Variants in MAP3K4 observed in about 807,000 individuals in gnomAD.
MAP3K4 encodes MAP three kinase 1.
Under a neutral mutation model 185.6 loss-of-function variants are expected in MAP3K4, and 67 were observed. That is an observed-to-expected ratio of 0.36 (90% CI 0.30 to 0.44). The LOEUF is 0.44. MAP3K4 is among the 20% of genes least tolerant of loss of function. MAP3K4 has a pLI of 1.00. For missense variants in MAP3K4, 1,551 were observed against 1,995.1 expected (o/e 0.78, Z 4.24); for synonymous variants, 702 against 710.4 (o/e 0.99, Z 0.19).
Position 161,070,456 on chromosome 6 carries a change from A to AT in MAP3K4, c.1708-150dup, listed in dbSNP as rs1374095849. On this transcript the variant is annotated intron_variant, in intron 3 of 26. Transcript: ENST00000392142. The surrounding 1 kb of genome is among the most constrained non-coding windows in gnomAD (Gnocchi z 4.5). ...ATGTTGAAAATGTTGAAGTTATTAA[A>AT]TTCATTAAATTATTAAATATTCTTT... 2.2e-5 allele frequency: 12 copies of AT among 549,204 alleles called. No individual in the cohort carries two copies. Among genetic ancestry groups the AT allele is most frequent in the Non-Finnish European group, 3.5e-5 (12 of 338,574 alleles). The allele number at this position is 549,204 out of a possible 1,614,324, so 34.0% of individuals were successfully genotyped here.
At chr6:161,081,065 G>T in intron 6 of MAP3K4, 27 bp downstream of exon 6, 2 of 1,608,878 alleles carry the variant, frequency 1.2e-6, no homozygotes, top group South Asian at 2.2e-5. Context: ...TTCTGAACGC[G>T]ACGCTCCCAC....
At position 161,103,694 on chromosome 6, in the gene MAP3K4, T is replaced by C. The variant is rs1378616706; in HGVS notation, c.3856+915T>C. 6.6e-6 allele frequency among the ~76,000 whole-genome samples: 1 copy of C among 152,046 alleles called. No individual in the cohort carries two copies. The stretch of plus-strand genomic sequence containing the variant: ...GCCCCAGAGGCTCTTGAGCAGCTGG[T>C]GTGTTTGGGATGTGGGAGGCTGGGG... On this transcript the variant is annotated intron_variant, in intron 19 of 26. Coordinates refer to ENST00000392142, the MANE Select transcript of MAP3K4 (RefSeq NM_005922.4). This position sits in a 1 kb window ranked among gnomAD's most constrained non-coding sequence, Gnocchi z 4.6.
intron 6 of MAP3K4, among the ~76,000 whole-genome samples, chr6:161,081,680 C>A (rs773150990): frequency 6.6e-6 from 1 of 152,122 alleles, no homozygotes; most frequent in Non-Finnish European, 1.5e-5. Context: ...GAACATCTTG[C>A]ATGCAAGCTT....
In MAP3K4 at chr6:161,074,741, G is replaced by T. The variant is rs182515884; in HGVS notation, c.2097+1129G>T. On this transcript the variant is annotated intron_variant, in intron 5 of 26. Transcript: ENST00000392142. The surrounding 1 kb of genome is among the most constrained non-coding windows in gnomAD (Gnocchi z 5.0). The stretch of plus-strand genomic sequence containing the variant: ...AAATAATAAAACTGTATCGTTGTAG[G>T]TGGGGTGCATTCATTCTTGCTTAAC... Among the ~76,000 whole-genome samples, 1 of 152,310 alleles carries T rather than the reference G, an allele frequency of 6.6e-6. No individual in the cohort carries two copies. The highest frequency in any genetic ancestry group is 1.9e-4 in the East Asian group (1 of 5,184).
Position 161,091,350 on chromosome 6 carries a change from T to G in MAP3K4, c.2974-29T>G, listed in dbSNP as rs1435865702. 1.9e-6 allele frequency: 3 copies of G among 1,590,850 alleles called. No individual in the cohort carries two copies. The highest frequency in any genetic ancestry group is 2.6e-6 in the Non-Finnish European group (3 of 1,166,418). Reference sequence around the variant, plus strand: ...TAAGTATTGTATGATTTGCTTCATTTTGCATTAATCATGGTTTGGACTCTT... The same window carrying G: ...TAAGTATTGTATGATTTGCTTCATTGTGCATTAATCATGGTTTGGACTCTT... On this transcript the variant is annotated intron_variant, in intron 11 of 26. Transcript: ENST00000392142. The surrounding 1 kb of genome is among the most constrained non-coding windows in gnomAD (Gnocchi z 5.5).
At position 161,107,050 on chromosome 6, in the gene MAP3K4, GCA is replaced by G. The variant is rs3050252; in HGVS notation, c.4048+373_4048+374del. Among the ~76,000 whole-genome samples the G allele has an allele frequency of 2.5e-3, 258 of 105,238 alleles. No individual in the cohort carries two copies. Among genetic ancestry groups the G allele is most frequent in the East Asian group, 6.6e-3 (15 of 2,274 alleles). 69.0% of individuals were successfully genotyped at this position (105,238 alleles called of 152,430 possible). A position where few individuals can be genotyped will look rare whatever the true frequency, so the allele number is the denominator to read the frequency against. The stretch of plus-strand genomic sequence containing the variant: ...TCTCTCTCTCTCTACACACGCGCGC[GCA>G]CACACACACACACACACACACACAC... On this transcript the variant is annotated intron_variant, in intron 20 of 26. Transcript: ENST00000392142. The surrounding 1 kb of genome is among the most constrained non-coding windows in gnomAD (Gnocchi z 6.2).
rs867696702 is a variant in MAP3K4 at position 160,996,710 on chromosome 6, C to T, written c.152+4627C>T. 4.6e-5 allele frequency among the ~76,000 whole-genome samples: 7 copies of T among 152,148 alleles called. No homozygotes were observed. Among genetic ancestry groups the T allele is most frequent in the African/African-American group, 9.7e-5 (4 of 41,418 alleles). On this transcript the variant is annotated intron_variant, in intron 1 of 26. Coordinates refer to ENST00000392142, the MANE Select transcript of MAP3K4 (RefSeq NM_005922.4). The surrounding 1 kb of genome is among the most constrained non-coding windows in gnomAD (Gnocchi z 4.5). Reference sequence around the variant, plus strand: ...TTCATAAGCTGGCACTCCCTTGGCACGATAATCAAGGCCCAGACACTCACT... The same window carrying T: ...TTCATAAGCTGGCACTCCCTTGGCATGATAATCAAGGCCCAGACACTCACT...
chr6:161,091,541 G>A lies in MAP3K4; in HGVS notation c.3135+1G>A, dbSNP rs770465295. On this transcript the variant is annotated splice_donor_variant, in intron 12 of 26. Transcript: ENST00000392142. LOFTEE classifies it high-confidence loss of function. This position sits in a 1 kb window ranked among gnomAD's most constrained non-coding sequence, Gnocchi z 5.5. The stretch of plus-strand genomic sequence containing the variant: ...TCAGGGGTACAATTTTGGATTTGAG[G>A]TAGGTTCAAAATAAGAGGAAACACG... 6.2e-7 allele frequency: 1 copy of A among 1,609,740 alleles called. No homozygotes were observed. The highest frequency in any genetic ancestry group is 8.5e-7 in the Non-Finnish European group (1 of 1,178,354).
chr6:161,084,931 G>C lies in MAP3K4; in HGVS notation c.2372+314G>C, dbSNP rs1009351933. Reference sequence around the variant, plus strand: ...GGAGGCCGAGGTGGGTGAATCACCAGGTCAGGAGTTCAAGACCAGCCTGGC... The same window carrying C: ...GGAGGCCGAGGTGGGTGAATCACCACGTCAGGAGTTCAAGACCAGCCTGGC... On this transcript the variant is annotated intron_variant, in intron 7 of 26. Coordinates refer to ENST00000392142, the MANE Select transcript of MAP3K4 (RefSeq NM_005922.4). The surrounding 1 kb of genome is among the most constrained non-coding windows in gnomAD (Gnocchi z 4.6). Among the ~76,000 whole-genome samples the C allele has an allele frequency of 6.6e-6, 1 of 152,158 alleles. No individual in the cohort carries two copies. The highest frequency in any genetic ancestry group is 2.4e-5 in the African/African-American group (1 of 41,440).
Position 161,112,637 on chromosome 6 carries a change from A to G in MAP3K4, c.4520-31A>G, listed in dbSNP as rs1265377003. The stretch of plus-strand genomic sequence containing the variant: ...ATACATGTTGATGTGTTTATAACCC[A>G]TTACTCTCAACATATCTGTGACTTT... On this transcript the variant is annotated intron_variant, in intron 24 of 26. Coordinates refer to ENST00000392142, the MANE Select transcript of MAP3K4 (RefSeq NM_005922.4). The surrounding 1 kb of genome is among the most constrained non-coding windows in gnomAD (Gnocchi z 5.1). 8.4e-6 allele frequency: 12 copies of G among 1,422,048 alleles called. 1 individual carries two copies. The South Asian group carries it at 1.3e-4, about 16-fold the overall frequency. 88.1% of individuals were successfully genotyped at this position (1,422,048 alleles called of 1,614,324 possible).
Position 161,080,834 on chromosome 6 carries a change from G to A in MAP3K4, c.2098-47G>A. 1 of 1,579,532 alleles carries A rather than the reference G, an allele frequency of 6.3e-7. No individual in the cohort carries two copies. The highest frequency in any genetic ancestry group is 8.7e-7 in the Non-Finnish European group (1 of 1,154,952). On this transcript the variant is annotated intron_variant, in intron 5 of 26. Coordinates refer to ENST00000392142, the MANE Select transcript of MAP3K4 (RefSeq NM_005922.4). This position sits in a 1 kb window ranked among gnomAD's most constrained non-coding sequence, Gnocchi z 4.8. Reference sequence around the variant, plus strand: ...AGCTTTCAGGTGAGAGCGCTGAGTTGCCAAGTTCTACTTTCAAATGTCTCC... The same window carrying A: ...AGCTTTCAGGTGAGAGCGCTGAGTTACCAAGTTCTACTTTCAAATGTCTCC...
In MAP3K4 at chr6:161,097,849, A is replaced by G. The variant is rs927901879; in HGVS notation, c.3525-429A>G. On this transcript the variant is annotated intron_variant, in intron 16 of 26. Transcript: ENST00000392142. The surrounding 1 kb of genome is among the most constrained non-coding windows in gnomAD (Gnocchi z 4.9). ...ACGCCTGTAATTCCAGCACTTTAGG[A>G]GGACGAGGCGGGAGGATCACTTGAG... Among the ~76,000 whole-genome samples, 2 of 151,732 alleles carry G rather than the reference A, an allele frequency of 1.3e-5. No homozygotes were observed. The highest frequency in any genetic ancestry group is 2.9e-5 in the Non-Finnish European group (2 of 67,962).
In MAP3K4 at chr6:161,107,876, C is replaced by T. The variant is rs200912642; in HGVS notation, c.4049-23C>T. ...CAGCCCCCTGCAGTGGCTGGAAGTG[C>T]AGCTTGTTTGCATTGTTCACAGGAG... On this transcript the variant is annotated intron_variant, in intron 20 of 26. Transcript: ENST00000392142. The surrounding 1 kb of genome is among the most constrained non-coding windows in gnomAD (Gnocchi z 6.2). 4 of 1,599,946 alleles carry T rather than the reference C, an allele frequency of 2.5e-6. No homozygotes were observed. The highest frequency in any genetic ancestry group is 4.5e-5 in the East Asian group (2 of 44,782).
At chr6:161,005,574 A>G (rs550907475) in intron 1 of MAP3K4, among the ~76,000 whole-genome samples, 123 of 152,308 alleles carry the variant, frequency 8.1e-4, no homozygotes, top group African/African-American at 2.8e-3. Flanking sequence ...AATTATCTTC[A>G]AGCTGATGTG....
Position 160,996,425 on chromosome 6 carries a change from A to G in MAP3K4, c.152+4342A>G, listed in dbSNP as rs1222012775. Among the ~76,000 whole-genome samples the G allele has an allele frequency of 6.6e-6, 1 of 152,202 alleles. No homozygotes were observed. The highest frequency in any genetic ancestry group is 1.5e-5 in the Non-Finnish European group (1 of 68,030). On this transcript the variant is annotated intron_variant, in intron 1 of 26. Coordinates refer to ENST00000392142, the MANE Select transcript of MAP3K4 (RefSeq NM_005922.4). This position sits in a 1 kb window ranked among gnomAD's most constrained non-coding sequence, Gnocchi z 4.5. ...AAATCTTGTTCTGAGCTCTGCTGAA[A>G]TACGGGGATATAAAGGTCTTGCCTG...
chr6:160,998,342 T>C (rs1225285634), intron 1 of MAP3K4, among the ~76,000 whole-genome samples: 1 of 152,222 alleles, frequency 6.6e-6, no homozygotes, highest in African/African-American at 2.4e-5. Flanking sequence ...AAAAAATACA[T>C]ACTAATTTTT....
intron 1 of MAP3K4, among the ~76,000 whole-genome samples, chr6:161,031,276 T>A (rs968040440): frequency 2.0e-5 from 3 of 152,246 alleles, no homozygotes; most frequent in African/African-American, 4.8e-5. Context: ...ATTCTTGTAC[T>A]TTTATTTGAC....
chr6:161,011,366 T>G (rs551713210), intron 1 of MAP3K4, among the ~76,000 whole-genome samples: 1 of 152,298 alleles, frequency 6.6e-6, no homozygotes, highest in South Asian at 2.1e-4. Context: ...AGGATTCTGT[T>G]TTTTGGGAAA....
At chr6:161,081,059 G>T (rs1428888071) in intron 6 of MAP3K4, 21 bp downstream of exon 6, 1 of 1,611,830 alleles carries the variant, frequency 6.2e-7, no homozygotes, top group African/African-American at 1.3e-5. Flanking sequence ...TTGTGCTTCT[G>T]AACGCGACGC....
Sources: allele counts gnomAD v4.1 joint callset (sites outside exome capture counted in the v4.1 genomes callset), GRCh38; gene constraint gnomAD v4.1.1; non-coding constraint Gnocchi (gnomAD v3.1); transcripts MANE v1.5; gene names NCBI Gene and HGNC (gene_info 2026-07-23, HGNC 2026-07-21).